The following NBDY variants were observed in gnomAD, a reference collection of about 807,000 sequenced individuals.
NBDY encodes the protein negative regulator of P-body association, also known as P-body dissociating protein.
At chrX:56,760,877 C>G (rs2069634381) in intron 2 of NBDY, among the ~76,000 whole-genome samples, 1 of 111,184 alleles carries the variant, frequency 9.0e-6, no homozygotes, top group African/African-American at 3.3e-5. Context: ...GAAATCCCAC[C>G]CTTGGGGCTG....
At chrX:56,757,641 C>G (rs771608746) in intron 2 of NBDY, among the ~76,000 whole-genome samples, 2 of 110,713 alleles carry the variant, frequency 1.8e-5, no homozygotes, top group Admixed American at 9.6e-5. Flanking sequence ...ATCATTCCTT[C>G]TAGATTATTC....
intron 2 of NBDY, among the ~76,000 whole-genome samples, chrX:56,790,437 A>G (rs1376391047): frequency 3.6e-5 from 4 of 111,618 alleles, no homozygotes; most frequent in African/African-American, 9.8e-5. Flanking sequence ...CTCTACTCTC[A>G]GGGCATTCTG....
At chrX:56,733,291 TTTATC>T (rs923440000) in intron 2 of NBDY, among the ~76,000 whole-genome samples, 3 of 111,217 alleles carry the variant, frequency 2.7e-5, no homozygotes, top group African/African-American at 9.8e-5. Flanking sequence ...CTAGTTTAAC[TTTATC>T]TTATTTTTCT....
intron 2 of NBDY, among the ~76,000 whole-genome samples, chrX:56,794,401 CACAAAAAAACAAAA>C (rs1176057694): frequency 4.5e-5 from 5 of 111,879 alleles, no homozygotes; most frequent in African/African-American, 1.6e-4. Flanking sequence ...ACAAAACCAA[CACAAAAAAACAAAA>C]GCAAAGAAAC....
intron 2 of NBDY, among the ~76,000 whole-genome samples, chrX:56,753,857 T>C (rs1422233864): frequency 3.6e-5 from 4 of 111,094 alleles, no homozygotes; most frequent in African/African-American, 1.3e-4. Context: ...TAAGAGAAGA[T>C]TTATTGGCAT....
intron 2 of NBDY, among the ~76,000 whole-genome samples, chrX:56,814,044 T>C (rs999265571): frequency 1.1e-4 from 12 of 111,984 alleles, no homozygotes; most frequent in African/African-American, 3.2e-4. Flanking sequence ...AGTTTTTTTC[T>C]TTTGTGTTTT....
intron 2 of NBDY, among the ~76,000 whole-genome samples, chrX:56,739,287 TA>T (rs2069519377): frequency 6.5e-5 from 3 of 46,027 alleles, no homozygotes; most frequent in African/African-American, 1.1e-4. Context: ...TATATTTTTA[TA>T]TATATATATA....
chrX:56,743,516 A>G (rs1356658491), intron 2 of NBDY, among the ~76,000 whole-genome samples: 2 of 110,747 alleles, frequency 1.8e-5, no homozygotes, highest in African/African-American at 3.3e-5. Context: ...GATATGTCAT[A>G]TGTGTAGAGG....
At chrX:56,793,758 C>T (rs931787912) in intron 2 of NBDY, among the ~76,000 whole-genome samples, 1 of 110,894 alleles carries the variant, frequency 9.0e-6, no homozygotes, top group African/African-American at 3.3e-5. Flanking sequence ...GGATGGCACC[C>T]TGGCTCCACA....
chrX:56,739,492 A>G (rs993021026), intron 2 of NBDY, among the ~76,000 whole-genome samples: 1 of 107,412 alleles, frequency 9.3e-6, no homozygotes, highest in Admixed American at 1.0e-4. Context: ...CAATATATAT[A>G]TATCACAATA....
chrX:56,801,998 ACACACACAC>A (rs1331433333), intron 2 of NBDY, among the ~76,000 whole-genome samples: 1 of 109,787 alleles, frequency 9.1e-6, no homozygotes, highest in African/African-American at 3.3e-5. Context: ...ACACACACAC[ACACACACAC>A]ACACACACAA....
chrX:56,760,394 C>T (rs1199699458), intron 2 of NBDY, among the ~76,000 whole-genome samples: 1 of 64,650 alleles, frequency 1.5e-5, no homozygotes, highest in Non-Finnish European at 4.7e-5. Context: ...GACCAGAAAA[C>T]AGAAACTGGG....
At chrX:56,743,323 T>G (rs1743922300) in intron 2 of NBDY, among the ~76,000 whole-genome samples, 1 of 111,530 alleles carries the variant, frequency 9.0e-6, no homozygotes, top group Non-Finnish European at 1.9e-5. Flanking sequence ...AGTTTGGAAG[T>G]ATCCCTTCCT....
chrX:56,734,210 A>G (rs181967804), intron 2 of NBDY, among the ~76,000 whole-genome samples: 7 of 111,832 alleles, frequency 6.3e-5, no homozygotes, highest in Non-Finnish European at 9.4e-5. Context: ...TCAGTGCAGG[A>G]ATGTTATCAA....
intron 2 of NBDY, among the ~76,000 whole-genome samples, chrX:56,765,762 T>A (rs1362171535): frequency 1.8e-5 from 2 of 111,028 alleles, no homozygotes; most frequent in Non-Finnish European, 3.8e-5. Flanking sequence ...TTTTTCTTTT[T>A]CTTCTTTTTC....
intron 2 of NBDY, among the ~76,000 whole-genome samples, chrX:56,808,264 C>T (rs766942416): frequency 8.9e-6 from 1 of 112,030 alleles, no homozygotes; most frequent in Admixed American, 9.4e-5. Flanking sequence ...ATGCTGGCCT[C>T]ATAAAAGTTG....
In NBDY at chrX:56,785,202, C is replaced by T. The variant is rs1352489089; in HGVS notation, c.*167-32118C>T. Reference sequence around the variant, plus strand: ...GAGTCACCCCCTTTCTGTCACTTGTCAACAAATGCGGATTCTTTTTTCACA... The same window carrying T: ...GAGTCACCCCCTTTCTGTCACTTGTTAACAAATGCGGATTCTTTTTTCACA... On this transcript the variant is annotated intron_variant, in intron 2 of 2. Transcript: ENST00000374922. Among the ~76,000 whole-genome samples the T allele has an allele frequency of 3.6e-5, 4 of 111,210 alleles. No homozygotes were observed. The Admixed American group carries it at 3.8e-4, about 11-fold the overall frequency.
At chrX:56,813,650 T>C (rs1367956228) in intron 2 of NBDY, among the ~76,000 whole-genome samples, 1 of 111,480 alleles carries the variant, frequency 9.0e-6, no homozygotes, top group African/African-American at 3.3e-5. Context: ...GCCCACAAAC[T>C]CTCCCATACA....
intron 2 of NBDY, among the ~76,000 whole-genome samples, chrX:56,811,952 T>A (rs1031302546): frequency 9.0e-6 from 1 of 111,676 alleles, no homozygotes; most frequent in Non-Finnish European, 1.9e-5. Context: ...GTGCAGTGTC[T>A]GTGCTGGAGT....
Sources: gnomAD v4.1 joint callset for allele counts (sites outside exome capture counted in the v4.1 genomes callset) on GRCh38, gnomAD v4.1.1 for gene constraint, MANE v1.5 for transcripts, NCBI Gene and HGNC (gene_info 2026-07-23, HGNC 2026-07-21) for gene names.